WNK1: variants seen among roughly 807,000 people sequenced by gnomAD.
WNK1 encodes serine/threonine-protein kinase WNK1.
Under a neutral mutation model 222.8 loss-of-function variants are expected in WNK1, and 38 were observed. That is an observed-to-expected ratio of 0.17 (90% CI 0.13 to 0.22). The LOEUF is 0.22. Among genes scored for constraint, WNK1 ranks in the 10% least tolerant of loss-of-function variants. The probability of loss-of-function intolerance (pLI) is 1.00; values close to 1 mark genes in which losing one functional copy is unlikely to be tolerated. For synonymous variants in WNK1, 1,090 were observed against 1,092.9 expected, an observed-to-expected ratio of 1.00 and a Z score of 0.05; for missense variants, 2,348 against 2,918.4, an observed-to-expected ratio of 0.80 and a Z score of 4.50.
intron 11 of WNK1, 132 bp from the exon 12 acceptor site, chr12:880,589 A>C: frequency 9.9e-7 from 1 of 1,013,400 alleles, no homozygotes; most frequent in East Asian, 2.4e-5. Flanking sequence ...TGCCCTTTAG[A>C]TTATTAGAAA....
chr12:854,545 C>T (rs867954226), intron 4 of WNK1, among the ~76,000 whole-genome samples: 1 of 151,728 alleles, frequency 6.6e-6, no homozygotes, highest in Non-Finnish European at 1.5e-5. Flanking sequence ...GACGGGGTTT[C>T]ACCATGTTGG....
chr12:804,136 T>G (rs1220448756), intron 1 of WNK1, among the ~76,000 whole-genome samples: 1 of 152,228 alleles, frequency 6.6e-6, no homozygotes, highest in Non-Finnish European at 1.5e-5. Flanking sequence ...TATCTGTATC[T>G]TCGAAGCTCT....
chr12:881,870 A>G lies in WNK1; in HGVS notation c.3210-41A>G, dbSNP rs2154081989. On this transcript the variant is annotated intron_variant, in intron 13 of 27. Transcript: ENST00000315939. ...CCAAACTGTCAGACCTTTAAATCTC[A>G]TATTATAAACTGCACTTTTTTTTCT... 7 of 1,613,530 alleles carry G rather than the reference A, an allele frequency of 4.3e-6. No homozygotes were observed. In the Middle Eastern group the frequency reaches 4.9e-4, roughly 114 times the overall value.
At chr12:774,716 CTTATT>C (rs966366107) in intron 1 of WNK1, among the ~76,000 whole-genome samples, 2 of 152,166 alleles carry the variant, frequency 1.3e-5, no homozygotes, top group African/African-American at 4.8e-5. Flanking sequence ...AGTGAGAGTT[CTTATT>C]TTATTAACCC....
At chr12:829,952 A>G (rs1349589185) in intron 3 of WNK1, 51 bp from the exon 4 acceptor site, 1 of 1,606,730 alleles carries the variant, frequency 6.2e-7, no homozygotes, top group Non-Finnish European at 8.5e-7. Flanking sequence ...CCGGTGAGTA[A>G]CGTCTGAAGC....
intron 1 of WNK1, among the ~76,000 whole-genome samples, chr12:787,850 T>A (rs1219838387): frequency 1.3e-5 from 2 of 152,174 alleles, no homozygotes; most frequent in Non-Finnish European, 2.9e-5. Context: ...TGTGCGTGTG[T>A]GTGTAATTTT....
intron 5 of WNK1, 48 bp from the exon 6 acceptor site, chr12:859,197 C>G: frequency 1.4e-6 from 2 of 1,479,724 alleles, no homozygotes; most frequent in Non-Finnish European, 1.9e-6. Flanking sequence ...TTTTTTCAAA[C>G]TAATGGTGTT....
At chr12:851,626 C>CT (rs1950426001) in intron 4 of WNK1, 1 of 1,279,878 alleles carries the variant, frequency 7.8e-7, no homozygotes, top group Admixed American at 2.4e-5. Context: ...ATGCTGTGGG[C>CT]TGATGTACAT....
chr12:839,586 T>G (rs1245417336), intron 4 of WNK1, among the ~76,000 whole-genome samples: 1 of 152,222 alleles, frequency 6.6e-6, no homozygotes, highest in African/African-American at 2.4e-5. Context: ...TAAATGCTCA[T>G]GTACATATAT....
At chr12:901,751 A>G (rs561951936) in intron 26 of WNK1, 109 of 587,412 alleles carry the variant, frequency 1.9e-4, no homozygotes, top group Admixed American at 1.2e-3. Flanking sequence ...TTTGTATATC[A>G]TCTACTCAGT....
chr12:823,763 T>C (rs1208537263), intron 2 of WNK1, among the ~76,000 whole-genome samples: 1 of 152,164 alleles, frequency 6.6e-6, no homozygotes, highest in African/African-American at 2.4e-5. Context: ...TTAGTAAATA[T>C]CTTAGTACTG....
At chr12:769,945 T>C (rs1397700685) in intron 1 of WNK1, among the ~76,000 whole-genome samples, 6 of 151,980 alleles carry the variant, frequency 3.9e-5, no homozygotes, top group African/African-American at 1.2e-4. Flanking sequence ...AGAGCCCCAC[T>C]TCCCAAAACA....
chr12:771,270 G>T (rs539747349), intron 1 of WNK1, among the ~76,000 whole-genome samples: 12 of 151,830 alleles, frequency 7.9e-5, no homozygotes, highest in African/African-American at 1.2e-4. Flanking sequence ...GTGCTGGGAT[G>T]ACAGGTGTGA....
At chr12:835,648 A>G (rs567644710) in intron 4 of WNK1, among the ~76,000 whole-genome samples, 2 of 152,050 alleles carry the variant, frequency 1.3e-5, no homozygotes, top group South Asian at 2.1e-4. Flanking sequence ...AAAAAAAAAA[A>G]TGTTGATAGA....
chr12:779,153 T>C (rs1943423057), intron 1 of WNK1, among the ~76,000 whole-genome samples: 1 of 152,216 alleles, frequency 6.6e-6, no homozygotes, highest in Non-Finnish European at 1.5e-5. Flanking sequence ...TCATATTGTC[T>C]GCTTTTCTCC....
At chr12:829,841 AGACT>A (rs879125593) in intron 3 of WNK1, 158 bp from the exon 4 acceptor site, 2 of 705,942 alleles carry the variant, frequency 2.8e-6, no homozygotes, top group South Asian at 3.4e-5. Context: ...TTGATGGAAC[AGACT>A]GACTGAGAAG....
At chr12:779,317 T>G (rs144259808) in intron 1 of WNK1, among the ~76,000 whole-genome samples, 196 of 152,184 alleles carry the variant, frequency 1.3e-3, no homozygotes, top group African/African-American at 4.6e-3. Flanking sequence ...GCTGTGACTA[T>G]AATATTAAAA....
At chr12:882,094 A>G in intron 14 of WNK1, 21 bp downstream of exon 14, 1 of 1,593,788 alleles carries the variant, frequency 6.3e-7, no homozygotes. Flanking sequence ...CTAATTTGTG[A>G]GTTTCATGTT....
chr12:832,225 G>A (rs886741675), intron 4 of WNK1, among the ~76,000 whole-genome samples: 50 of 151,974 alleles, frequency 3.3e-4, no homozygotes, highest in Non-Finnish European at 6.6e-4. Flanking sequence ...ACAGGTGCCC[G>A]CCACCACACC....
Sources: gnomAD v4.1 joint callset for allele counts (sites outside exome capture counted in the v4.1 genomes callset) on GRCh38, gnomAD v4.1.1 for gene constraint, MANE v1.5 for transcripts, NCBI Gene and HGNC (gene_info 2026-07-23, HGNC 2026-07-21) for gene names.